LHPP: variants seen among roughly 807,000 people sequenced by gnomAD.
LHPP encodes the protein phospholysine phosphohistidine inorganic pyrophosphate phosphatase.
A neutral mutation model predicts 30.3 loss-of-function variants in LHPP; 24 were observed. The ratio of observed to expected loss-of-function variants is 0.79; its 90% CI spans 0.57 to 1.11. LHPP has a LOEUF of 1.11. Ranked by LOEUF, LHPP falls within the 50% of genes most tolerant of loss-of-function variation. The pLI, the probability that LHPP is intolerant of heterozygous loss-of-function variation, is 0.00. For missense variants in LHPP, 356 were observed against 367.2 expected (o/e 0.97, Z 0.25); for synonymous variants, 150 against 157.1 (o/e 0.95, Z 0.34).
At chr10:124,546,499 T>G (rs1265653137) in intron 6 of LHPP, among the ~76,000 whole-genome samples, 2 of 152,106 alleles carry the variant, frequency 1.3e-5, no homozygotes, top group Non-Finnish European at 2.9e-5. Flanking sequence ...GCCTCCTGGG[T>G]TCACACCATT....
chr10:124,468,513 C>G (rs1184058555), intron 1 of LHPP, among the ~76,000 whole-genome samples: 1 of 152,186 alleles, frequency 6.6e-6, no homozygotes, highest in Non-Finnish European at 1.5e-5. Flanking sequence ...CCTGGTCTCT[C>G]AACCCCATGG....
chr10:124,546,462 G>A (rs1284903754), intron 6 of LHPP, among the ~76,000 whole-genome samples: 1 of 152,166 alleles, frequency 6.6e-6, no homozygotes, highest in Non-Finnish European at 1.5e-5. Context: ...GAGTGCAGTG[G>A]CGCGATCTCG....
At chr10:124,606,286 A>C (rs1436787159) in intron 6 of LHPP, among the ~76,000 whole-genome samples, 1 of 151,684 alleles carries the variant, frequency 6.6e-6, no homozygotes, top group Non-Finnish European at 1.5e-5. Flanking sequence ...TCGGGGGGAC[A>C]GCAGCAAGGA....
At chr10:124,537,813 G>T (rs1955067018) in intron 6 of LHPP, among the ~76,000 whole-genome samples, 1 of 152,246 alleles carries the variant, frequency 6.6e-6, no homozygotes, top group African/African-American at 2.4e-5. Flanking sequence ...AATTTAGGCT[G>T]CATGGACACA....
At chr10:124,505,810 A>G (rs1279413169) in intron 5 of LHPP, among the ~76,000 whole-genome samples, 2 of 152,158 alleles carry the variant, frequency 1.3e-5, no homozygotes, top group East Asian at 3.8e-4. Flanking sequence ...GGAGATTGAG[A>G]CTGTTCAAAC....
At chr10:124,516,458 C>T (rs796980099) in intron 5 of LHPP, among the ~76,000 whole-genome samples, 14 of 152,342 alleles carry the variant, frequency 9.2e-5, no homozygotes, top group African/African-American at 3.4e-4. Context: ...AGCACCCCTC[C>T]TGTGTCCACA....
rs115364344 is a variant in LHPP at position 124,549,752 on chromosome 10, G to T, written c.716+32481G>T. On this transcript the variant is annotated intron_variant, in intron 6 of 6. Transcript: ENST00000368842. ...CTGGCCCTGTGGGCATGGCCGGGGT[G>T]GGCATGGCCGGGAAAGGCATGGCCT... Among the ~76,000 whole-genome samples, 523 of 152,226 alleles carry T rather than the reference G, an allele frequency of 3.4e-3. 4 individuals carry two copies. The highest frequency in any genetic ancestry group is 0.012 in the African/African-American group (487 of 41,454).
At position 124,490,315 on chromosome 10, in the gene LHPP, C is replaced by A. The variant is rs377565726; in HGVS notation, c.467+1740C>A. On this transcript the variant is annotated intron_variant, in intron 3 of 6. Transcript: ENST00000368842. ...CCGCTGTGGCATGGGGTAGCAGACA[C>A]GCTCTCCAGGGGCAGATGGTGGTAA... 4.2e-5 allele frequency: 10 copies of A among 237,518 alleles called. No homozygotes were observed. The South Asian group carries it at 4.8e-4, about 11-fold the overall frequency. 14.7% of individuals were successfully genotyped at this position (237,518 alleles called of 1,614,324 possible). A position where few individuals can be genotyped will look rare whatever the true frequency, so the allele number is the denominator to read the frequency against.
chr10:124,508,304 C>G (rs990826254), intron 5 of LHPP, among the ~76,000 whole-genome samples: 1 of 152,204 alleles, frequency 6.6e-6, no homozygotes, highest in African/African-American at 2.4e-5. Flanking sequence ...TGACCCTGCT[C>G]AACTCCTGAC....
intron 1 of LHPP, among the ~76,000 whole-genome samples, chr10:124,479,092 G>T (rs1953046587): frequency 6.7e-6 from 1 of 149,774 alleles, no homozygotes; most frequent in Non-Finnish European, 1.5e-5. Flanking sequence ...AAAAGATCCA[G>T]TTTGGCTACA....
chr10:124,529,575 G>C (rs1026543415), intron 6 of LHPP, among the ~76,000 whole-genome samples: 1 of 152,114 alleles, frequency 6.6e-6, no homozygotes, highest in Non-Finnish European at 1.5e-5. Flanking sequence ...AATTTGTGCA[G>C]AGGAGTGCTC....
In LHPP at chr10:124,602,787, A is replaced by T. The variant is rs1041664469; in HGVS notation, c.717-10477A>T. ...GCCCTGCCCCACCCCAGCTCTTCAC[A>T]CATCCAGATCCAGATGGGGGCCAGA... On this transcript the variant is annotated intron_variant, in intron 6 of 6. Transcript: ENST00000368842. Among the ~76,000 whole-genome samples the T allele has an allele frequency of 2.4e-4, 37 of 152,316 alleles. 1 individual carries two copies. The highest frequency in any genetic ancestry group is 2.1e-3 in the Admixed American group (32 of 15,304).
chr10:124,574,154 A>G (rs1321461635), intron 6 of LHPP, among the ~76,000 whole-genome samples: 2 of 152,246 alleles, frequency 1.3e-5, no homozygotes, highest in East Asian at 3.9e-4. Context: ...GAAACCCGAA[A>G]GACAAGCAGA....
intron 6 of LHPP, among the ~76,000 whole-genome samples, chr10:124,526,615 G>A (rs1954745019): frequency 2.7e-5 from 4 of 147,308 alleles, no homozygotes; most frequent in South Asian, 4.6e-4. Context: ...GCCCTCCCCC[G>A]CTTTGGCCCC....
chr10:124,517,767 G>A lies in LHPP; in HGVS notation c.716+496G>A, dbSNP rs1954496662. 6.6e-6 allele frequency among the ~76,000 whole-genome samples: 1 copy of A among 152,204 alleles called. No individual in the cohort carries two copies. Among genetic ancestry groups the A allele is most frequent in the East Asian group, 1.9e-4 (1 of 5,196 alleles). ...AGCAGAACCTCCATCTCAAGAAGAA[G>A]GTTGTGTTTTATTTGCTGGCAAAAG... On this transcript the variant is annotated intron_variant, in intron 6 of 6. Coordinates refer to ENST00000368842, the MANE Select transcript of LHPP (RefSeq NM_022126.4). This position sits in a 1 kb window ranked among gnomAD's most constrained non-coding sequence, Gnocchi z 4.1.
chr10:124,613,297 T>C lies in LHPP; in HGVS notation c.750T>C (p.Ala250=). The part of the protein sequence containing the change: ...PSDEHHPEVK[A]DGYVDNLAEA... ...ACGAGCACCATCCGGAAGTGAAGGCTGATGGGTACGTGGACAACCTCGCAG... is the reference window on the plus strand; with the variant it reads ...ACGAGCACCATCCGGAAGTGAAGGCCGATGGGTACGTGGACAACCTCGCAG... Residue 250 remains alanine (A), a synonymous_variant, in exon 7 of 7, where the codon GCT becomes GCC. Coordinates refer to ENST00000368842, the MANE Select transcript of LHPP (RefSeq NM_022126.4). 1.2e-6 allele frequency: 2 copies of C among 1,613,598 alleles called. No individual in the cohort carries two copies. Among genetic ancestry groups the C allele is most frequent in the Non-Finnish European group, 1.7e-6 (2 of 1,179,976 alleles).
intron 6 of LHPP, among the ~76,000 whole-genome samples, chr10:124,518,431 G>C (rs931093532): frequency 5.9e-5 from 9 of 152,244 alleles, no homozygotes; most frequent in Non-Finnish European, 1.3e-4. Flanking sequence ...TCTTGCTGCT[G>C]CTCCCAGGCG....
intron 6 of LHPP, among the ~76,000 whole-genome samples, chr10:124,608,007 G>A (rs1313801916): frequency 6.6e-6 from 1 of 152,186 alleles, no homozygotes; most frequent in African/African-American, 2.4e-5. Flanking sequence ...GCAGAGGTGA[G>A]ACCAGGGAAT....
rs1953407999 is a variant in LHPP, at chr10:124,488,453, A to G, written c.345A>G (p.Thr115=). ...GVRSEFDQID[T]SNPNCVVIAD... is the part of the protein sequence containing the mutation. ...GCTCAGAATTTGATCAGATCGACAC[A>G]TCCAACCCAAACTGTGTGGTAATTG... Residue 115 remains threonine, a synonymous_variant, in exon 3 of 7, where the codon ACA becomes ACG. Coordinates refer to ENST00000368842, the MANE Select transcript of LHPP (RefSeq NM_022126.4). The G allele has an allele frequency of 6.2e-7, 1 of 1,613,970 alleles. No homozygotes were observed. The highest frequency in any genetic ancestry group is 1.7e-5 in the Admixed American group (1 of 59,966).
Sources: allele counts gnomAD v4.1 joint callset (sites outside exome capture counted in the v4.1 genomes callset), GRCh38; gene constraint gnomAD v4.1.1; non-coding constraint Gnocchi (gnomAD v3.1); transcripts MANE v1.5; gene names NCBI Gene and HGNC (gene_info 2026-07-23, HGNC 2026-07-21).